The following SETX variants were observed in gnomAD, a reference collection of about 807,000 sequenced individuals.
SETX encodes helicase senataxin.
In SETX, 90 loss-of-function variants were observed where a neutral mutation model predicts 227.2. That is an observed-to-expected ratio of 0.40 (90% CI 0.33 to 0.47). The LOEUF (loss-of-function observed/expected upper bound fraction) is 0.47, where lower values mean the gene tolerates loss of function less well. Ranked by LOEUF, SETX falls within the 20% of genes least tolerant of loss-of-function variation. The pLI, the probability that SETX is intolerant of heterozygous loss-of-function variation, is 0.91. For missense variants in SETX, 3,052 were observed against 3,181.5 expected, an observed-to-expected ratio of 0.96 and a Z score of 0.98; for synonymous variants, 1,210 against 1,113.2, an observed-to-expected ratio of 1.09 and a Z score of -1.73.
At chr9:132,277,215 T>A in intron 21 of SETX, 63 bp from the exon 22 acceptor site, 1 of 1,462,068 alleles carries the variant, frequency 6.8e-7, no homozygotes, top group Non-Finnish European at 9.4e-7. Flanking sequence ...AATATCTTGG[T>A]ATTACTACAA....
chr9:132,335,992 A>C (rs1319226892), intron 6 of SETX, among the ~76,000 whole-genome samples: 1 of 152,206 alleles, frequency 6.6e-6, no homozygotes. Flanking sequence ...CTGTAATCCC[A>C]GCACTTTAGG....
At chr9:132,303,339 CAAA>C (rs76538209) in intron 11 of SETX, among the ~76,000 whole-genome samples, 5 of 61,646 alleles carry the variant, frequency 8.1e-5, no homozygotes, top group Non-Finnish European at 1.8e-4. Context: ...TTTAAAAAAG[CAAA>C]AAAAAAAAAA....
At chr9:132,282,306 T>G (rs1269844202) in intron 19 of SETX, among the ~76,000 whole-genome samples, 1 of 150,948 alleles carries the variant, frequency 6.6e-6, no homozygotes, top group Non-Finnish European at 1.5e-5. Flanking sequence ...CTTATTTTTT[T>G]TTTTTTTGAG....
chr9:132,320,697 G>T (rs959923287), intron 10 of SETX, among the ~76,000 whole-genome samples: 1 of 151,278 alleles, frequency 6.6e-6, no homozygotes, highest in Non-Finnish European at 1.5e-5. Context: ...GGTTGAAATC[G>T]TATGGTTAAA....
intron 11 of SETX, 29 bp from the exon 12 acceptor site, chr9:132,300,832 T>C (rs1844952808): frequency 1.3e-6 from 2 of 1,583,820 alleles, no homozygotes; most frequent in Non-Finnish European, 1.7e-6. Context: ...TCGGAATTCA[T>C]ATAACTCTAA....
At chr9:132,324,324 T>C (rs1348230280) in intron 10 of SETX, among the ~76,000 whole-genome samples, 1 of 152,152 alleles carries the variant, frequency 6.6e-6, no homozygotes, top group Non-Finnish European at 1.5e-5. Context: ...TCAAAAGATT[T>C]AACATAAAGT....
At chr9:132,280,388 A>G (rs980703701) in intron 20 of SETX, among the ~76,000 whole-genome samples, 3 of 152,206 alleles carry the variant, frequency 2.0e-5, no homozygotes, top group Non-Finnish European at 4.4e-5. Context: ...AGGCCCTTCA[A>G]TGAAATCCTG....
In SETX at chr9:132,281,576, T is replaced by G; in HGVS notation, c.6547-2A>C. 1 of 1,602,600 alleles carries G rather than the reference T, an allele frequency of 6.2e-7. No homozygotes were observed. The highest frequency in any genetic ancestry group is 8.5e-7 in the Non-Finnish European group (1 of 1,169,608). On this transcript the variant is annotated splice_acceptor_variant, in intron 19 of 25. Coordinates refer to ENST00000224140, the MANE Select transcript of SETX (RefSeq NM_015046.7). LOFTEE classifies it high-confidence loss of function. ...CTCAATTTCACAAGACTGTCCAGCCTTGGTAAGATACAGAAGAGAGAGGCA... is the reference window on the plus strand; with the variant it reads ...CTCAATTTCACAAGACTGTCCAGCCGTGGTAAGATACAGAAGAGAGAGGCA...
At chr9:132,299,848 A>G (rs1032483292) in intron 12 of SETX, among the ~76,000 whole-genome samples, 8 of 152,062 alleles carry the variant, frequency 5.3e-5, no homozygotes, top group African/African-American at 1.7e-4. Context: ...TGTACATAAG[A>G]AGGACAAGTC....
At chr9:132,294,269 A>AC (rs1034454461) in intron 15 of SETX, among the ~76,000 whole-genome samples, 2 of 151,784 alleles carry the variant, frequency 1.3e-5, no homozygotes, top group Non-Finnish European at 2.9e-5. Flanking sequence ...AAACTCTTGA[A>AC]CCCCCACATT....
intron 2 of SETX, among the ~76,000 whole-genome samples, chr9:132,351,993 T>C (rs1848628641): frequency 1.3e-5 from 2 of 152,230 alleles, no homozygotes; most frequent in Admixed American, 6.5e-5. Flanking sequence ...TACAGACTTA[T>C]CCTTAGGCTA....
intron 3 of SETX, 93 bp downstream of exon 3, chr9:132,349,159 C>A: frequency 8.0e-7 from 1 of 1,250,048 alleles, no homozygotes; most frequent in South Asian, 1.2e-5. Flanking sequence ...GAAATCGTAT[C>A]ATCATTTCTC....
intron 11 of SETX, among the ~76,000 whole-genome samples, chr9:132,311,450 A>C (rs546957165): frequency 2.6e-5 from 4 of 152,246 alleles, no homozygotes; most frequent in African/African-American, 7.2e-5. Flanking sequence ...ATTTACTCAG[A>C]ATCTGTAAAG....
rs1303632684 is a variant in SETX, at chr9:132,295,898, T to C, written c.6080A>G (p.Lys2027Arg). 7 of 1,613,894 alleles carry C rather than the reference T, an allele frequency of 4.3e-6. No individual in the cohort carries two copies. Among genetic ancestry groups the C allele is most frequent in the South Asian group, 1.1e-5 (1 of 91,060 alleles). The change falls in exon 15 of 26, where the codon AAA becomes AGA. Residue 2027 changes from lysine to arginine, a missense_variant. Physicochemically the swap from Lys to Arg is conservative, Grantham distance 26. This residue lies in a region of SETX where 412 missense variants were observed against 589.0 expected (regional missense o/e 0.70). Coordinates refer to ENST00000224140, the MANE Select transcript of SETX (RefSeq NM_015046.7). ...TAAAGGATTCTTCTTGTCTTTACATTTTTCTTTGAATTCAAGGATAATTTT... is the reference window on the plus strand; with the variant it reads ...TAAAGGATTCTTCTTGTCTTTACATCTTTCTTTGAATTCAAGGATAATTTT... ...MKKIILEFKE[K>R]CKDKKNPLGN...
intron 10 of SETX, 76 bp from the exon 11 acceptor site, chr9:132,311,932 T>A: frequency 9.0e-7 from 1 of 1,106,526 alleles, no homozygotes. Flanking sequence ...TTTCCAAAGT[T>A]AAGCAACAGT....
At position 132,342,728 on chromosome 9, in the gene SETX, G is replaced by C; in HGVS notation, c.460C>G (p.Pro154Ala). The C allele has an allele frequency of 1.2e-6, 2 of 1,613,738 alleles. No homozygotes were observed. Among genetic ancestry groups the C allele is most frequent in the Non-Finnish European group, 1.7e-6 (2 of 1,179,858 alleles). Reference protein sequence around the residue: ...NCSFQVFDKHPGIYLFLVHPN... With the variant: ...NCSFQVFDKHAGIYLFLVHPN... Reference sequence around the variant, plus strand: ...TGGACTAAAAACAAATAGATCCCTGGATGTTTATCAAACACCTGAAAGGAG... The same window carrying C: ...TGGACTAAAAACAAATAGATCCCTGCATGTTTATCAAACACCTGAAAGGAG... Residue 154 changes from proline to alanine, a missense_variant, in exon 5 of 26, where the codon CCA (proline) becomes GCA (alanine). Physicochemically the swap from Pro to Ala is conservative, Grantham distance 27 (BLOSUM62 -1). Coordinates refer to ENST00000224140, the MANE Select transcript of SETX (RefSeq NM_015046.7).
At chr9:132,269,285 C>T (rs1842786610) in intron 25 of SETX, 2 of 639,104 alleles carry the variant, frequency 3.1e-6, no homozygotes, top group South Asian at 1.8e-5. Flanking sequence ...ATAACAGCCA[C>T]ATTTACTGAG....
At position 132,311,761 on chromosome 9, in the gene SETX, A is replaced by G. The variant is rs142908707; in HGVS notation, c.5370T>C (p.Phe1790=). Residue 1790 remains phenylalanine (F), a synonymous_variant, in exon 11 of 26, where the codon TTT becomes TTC. Coordinates refer to ENST00000224140, the MANE Select transcript of SETX (RefSeq NM_015046.7). ...GTTGCGTAAGAAAAAACTTACCTGC[A>G]AACTCCCAGTATTTTATATAATCGG... ...FPADYIKYWE[F]AVYLEECELA... 6.2e-6 allele frequency: 10 copies of G among 1,608,802 alleles called. No individual in the cohort carries two copies. Among genetic ancestry groups the G allele is most frequent in the Non-Finnish European group, 6.8e-6 (8 of 1,175,814 alleles).
intron 11 of SETX, among the ~76,000 whole-genome samples, chr9:132,306,317 A>G (rs990686381): frequency 2.0e-5 from 3 of 152,114 alleles, no homozygotes; most frequent in African/African-American, 7.2e-5. Flanking sequence ...CGTTCAAGCA[A>G]TTCTCCTGCA....
Sources: allele counts gnomAD v4.1 joint callset (sites outside exome capture counted in the v4.1 genomes callset), GRCh38; gene constraint gnomAD v4.1.1; regional missense constraint gnomAD v4.1.1; transcripts MANE v1.5; gene names NCBI Gene and HGNC (gene_info 2026-07-23, HGNC 2026-07-21).